The following TAF1C variants were observed in gnomAD, a reference collection of about 807,000 sequenced individuals.
The protein encoded by TAF1C is TATA-box binding protein associated factor, RNA polymerase I subunit C.
In TAF1C, 79 loss-of-function variants were observed where a neutral mutation model predicts 70.5. The observed-to-expected ratio is 1.12, with a 90% CI of 0.93 to 1.35. The LOEUF (loss-of-function observed/expected upper bound fraction) is 1.35, where lower values mean the gene tolerates loss of function less well. TAF1C is among the 40% of genes most tolerant of loss of function. The pLI is 0.00. For synonymous variants in TAF1C, 614 were observed against 491.1 expected, an observed-to-expected ratio of 1.25 and a Z score of -3.31; for missense variants, 1,412 against 1,127.8, an observed-to-expected ratio of 1.25 and a Z score of -3.61.
rs142305567 is a variant in TAF1C, at chr16:84,180,446, G to C, written c.1309-102C>G. The stretch of plus-strand genomic sequence containing the variant: ...GCTCTCCAGGTGAGTGCAGAGCCCT[G>C]AGGGGCAGCAGCATCTCCCATCAGC... On this transcript the variant is annotated intron_variant, in intron 12 of 14. Coordinates refer to ENST00000566732, the MANE Select transcript of TAF1C (RefSeq NM_001243156.2). 5.2e-3 allele frequency: 6,378 copies of C among 1,223,646 alleles called. 25 individuals carry two copies. Among genetic ancestry groups the C allele is most frequent in the Middle Eastern group, 8.3e-3 (40 of 4,848 alleles). The allele number at this position is 1,223,646 out of a possible 1,614,324, so 75.8% of individuals were successfully genotyped here.
At position 84,185,014 on chromosome 16, in the gene TAF1C, A is replaced by G. The variant is rs772946793; in HGVS notation, c.-26T>C. On this transcript the variant is annotated 5_prime_UTR_variant, in exon 2 of 15. Coordinates refer to ENST00000566732, the MANE Select transcript of TAF1C (RefSeq NM_001243156.2). ...CCTGGAAACAAGGACCAAGCACCAC[A>G]CTGGCCACCTCGAGAGACTGGAAGC... 6.2e-6 allele frequency: 10 copies of G among 1,608,910 alleles called. No individual in the cohort carries two copies. Among genetic ancestry groups the G allele is most frequent in the Non-Finnish European group, 3.4e-6 (4 of 1,177,204 alleles).
intron 2 of TAF1C, 78 bp downstream of exon 2, chr16:84,184,773 A>G: frequency 6.7e-7 from 1 of 1,497,110 alleles, no homozygotes; most frequent in Admixed American, 2.2e-5. Flanking sequence ...GGCCTTGTCA[A>G]CTGATGTGAA....
At position 84,181,591 on chromosome 16, in the gene TAF1C, C is replaced by G; in HGVS notation, c.1028+1G>C. 3 of 1,613,916 alleles carry G rather than the reference C, an allele frequency of 1.9e-6. No homozygotes were observed. The highest frequency in any genetic ancestry group is 2.5e-6 in the Non-Finnish European group (3 of 1,179,984). ...GGGGGTTTCACAGGAAGCGGCGATA[C>G]CCATCCTCAGGGCTCCACAGGCAGA... On this transcript the variant is annotated splice_donor_variant, in intron 10 of 14. Coordinates refer to ENST00000566732, the MANE Select transcript of TAF1C (RefSeq NM_001243156.2). LOFTEE classifies it high-confidence loss of function.
At position 84,177,935 on chromosome 16, in the gene TAF1C, ATTGGGCTAGCTCCTGT is replaced by A; in HGVS notation, c.*990_*1005del. ...TAACACCCACGCGAGTCAGTGTATG[ATTGGGCTAGCTCCTGT>A]TTGTGTGAGTCACATGCAATTCCTT... On this transcript the variant is annotated 3_prime_UTR_variant, in exon 15 of 15. Transcript: ENST00000566732. 7.6e-6 allele frequency: 8 copies of A among 1,053,560 alleles called. No homozygotes were observed. The South Asian group carries it at 1.0e-4, about 14-fold the overall frequency. The allele number at this position is 1,053,560 out of a possible 1,614,324, so 65.3% of individuals were successfully genotyped here.
Position 84,183,121 on chromosome 16 carries a change from C to T in TAF1C, c.437G>A (p.Ser146Asn), listed in dbSNP as rs1185432728. 8.7e-6 allele frequency: 14 copies of T among 1,614,002 alleles called. No homozygotes were observed. The highest frequency in any genetic ancestry group is 1.0e-5 in the Non-Finnish European group (12 of 1,180,036). Residue 146 changes from serine (S) to asparagine (N), a missense_variant, in exon 6 of 15, where the codon AGT (serine) becomes AAT (asparagine). Transcript: ENST00000566732. ...GSRTKKKTVV[S>N]VKKLLQDLGG... Reference sequence around the variant, plus strand: ...GAGGTCCTGGAGCAGCTTCTTCACACTGACCACTGTCTTCTTCTTAGTGCG... The same window carrying T: ...GAGGTCCTGGAGCAGCTTCTTCACATTGACCACTGTCTTCTTCTTAGTGCG...
Position 84,183,347 on chromosome 16 carries a change from G to GAGGCCAGGTCACTAAGCAC in TAF1C, c.319-33_319-15dup. The GAGGCCAGGTCACTAAGCAC allele has an allele frequency of 1.2e-6, 2 of 1,613,958 alleles. No homozygotes were observed. Among genetic ancestry groups the GAGGCCAGGTCACTAAGCAC allele is most frequent in the Non-Finnish European group, 1.7e-6 (2 of 1,180,028 alleles). On this transcript the variant is annotated splice_polypyrimidine_tract_variant and intron_variant, in intron 4 of 14. Coordinates refer to ENST00000566732, the MANE Select transcript of TAF1C (RefSeq NM_001243156.2). ...GAACCGGCTGATCTGGGGAGAAGAG[G>GAGGCCAGGTCACTAAGCAC]AGGCCAGGTCACTAAGCACAGTCTC...
Position 84,180,199 on chromosome 16 carries a change from C to T in TAF1C, c.1454G>A (p.Gly485Asp), listed in dbSNP as rs1238647796. The change falls in exon 13 of 15, where the codon GGT becomes GAT. Residue 485 changes from glycine (G) to aspartate (D), a missense_variant. Coordinates refer to ENST00000566732, the MANE Select transcript of TAF1C (RefSeq NM_001243156.2). ...CAGGTGCAGCAGCTGCAGCTGCCCACCCTGGCCTCCGAGGAGCAGGGGCTG... is the reference window on the plus strand; with the variant it reads ...CAGGTGCAGCAGCTGCAGCTGCCCATCCTGGCCTCCGAGGAGCAGGGGCTG... ...CVQPLLLGGQ[G>D]GQLQLLHLAG... The T allele has an allele frequency of 1.3e-6, 2 of 1,541,066 alleles. No individual in the cohort carries two copies. Among genetic ancestry groups the T allele is most frequent in the Non-Finnish European group, 1.7e-6 (2 of 1,151,646 alleles).
intron 6 of TAF1C, 62 bp downstream of exon 6, chr16:84,183,014 C>T: frequency 6.4e-7 from 1 of 1,562,912 alleles, no homozygotes; most frequent in Non-Finnish European, 8.8e-7. Flanking sequence ...CGTCCTAGCA[C>T]CTCCTACATC....
chr16:84,179,495 T>A lies in TAF1C; in HGVS notation c.1978A>T (p.Met660Leu). 2 of 1,602,002 alleles carry A rather than the reference T, an allele frequency of 1.2e-6. No individual in the cohort carries two copies. The highest frequency in any genetic ancestry group is 1.7e-6 in the Non-Finnish European group (2 of 1,176,308). Residue 660 changes from methionine (M) to leucine (L), a missense_variant, in exon 15 of 15, where the codon ATG becomes TTG. Physicochemically the swap from Met to Leu is conservative, Grantham distance 15. Coordinates refer to ENST00000566732, the MANE Select transcript of TAF1C (RefSeq NM_001243156.2). ...GQRLGVLRKA[M>L]ARGQLLLQRD... Reference sequence around the variant, plus strand: ...TGCAGCAGGAGCTGCCCTCGGGCCATGGCCTTGCGGAGCACACCCAGCCGC... The same window carrying A: ...TGCAGCAGGAGCTGCCCTCGGGCCAAGGCCTTGCGGAGCACACCCAGCCGC...
chr16:84,179,198 C>T lies in TAF1C; in HGVS notation c.2275G>A (p.Ala759Thr). ...PHSPEWPPAD[A>T]LPLPPTTPPS... ...GGGGTCGTGGGGGGCAGGGGCAGAG[C>T]ATCAGCAGGTGGCCACTCAGGGCTA... The change falls in exon 15 of 15, where the codon GCT becomes ACT. Residue 759 changes from alanine (A) to threonine (T), a missense_variant. Physicochemically the swap from Ala to Thr is moderately conservative, Grantham distance 58. Transcript: ENST00000566732. 6.3e-7 allele frequency: 1 copy of T among 1,588,310 alleles called. No individual in the cohort carries two copies. Among genetic ancestry groups the T allele is most frequent in the Admixed American group, 1.7e-5 (1 of 57,630 alleles).
rs2088897818 is a variant in TAF1C, at chr16:84,178,854, C to T, written c.*87G>A. On this transcript the variant is annotated 3_prime_UTR_variant, in exon 15 of 15. Transcript: ENST00000566732. ...CTCCAGAAGGTGGCGAGCTCTGCTT[C>T]TCAAGTTTCAACTGTGGAAGGCACA... The T allele has an allele frequency of 7.0e-7, 1 of 1,433,594 alleles. No homozygotes were observed. The highest frequency in any genetic ancestry group is 1.4e-5 in the South Asian group (1 of 72,018). 88.8% of individuals were successfully genotyped at this position (1,433,594 alleles called of 1,614,324 possible).
chr16:84,184,348 T>G (rs1490102365), intron 2 of TAF1C, among the ~76,000 whole-genome samples: 1 of 152,134 alleles, frequency 6.6e-6, no homozygotes, highest in African/African-American at 2.4e-5. Context: ...CCCACTTGCC[T>G]CTGCCAGGCT....
intron 11 of TAF1C, 26 bp downstream of exon 11, chr16:84,181,302 G>C: frequency 6.2e-7 from 1 of 1,611,112 alleles, no homozygotes; most frequent in East Asian, 2.2e-5. Context: ...CGCAGTCGGG[G>C]TGGGTCCTCT....
chr16:84,182,949 C>T lies in TAF1C; in HGVS notation c.482+127G>A. 8 of 909,420 alleles carry T rather than the reference C, an allele frequency of 8.8e-6. No individual in the cohort carries two copies. The highest frequency in any genetic ancestry group is 8.5e-5 in the Admixed American group (4 of 47,236). 56.3% of individuals were successfully genotyped at this position (909,420 alleles called of 1,614,324 possible). On this transcript the variant is annotated intron_variant, in intron 6 of 14. Coordinates refer to ENST00000566732, the MANE Select transcript of TAF1C (RefSeq NM_001243156.2). The surrounding 1 kb of genome is among the most constrained non-coding windows in gnomAD (Gnocchi z 5.0). ...GTTGGAAGTCTGGTATAAGAAAGTA[C>T]AGCTCAGACTGCATGGAGCAGGGGG...
rs766121265 is a variant in TAF1C, at chr16:84,183,248, G to A, written c.404C>T (p.Ala135Val). The A allele has an allele frequency of 3.8e-5, 61 of 1,613,782 alleles. No individual in the cohort carries two copies. The highest frequency in any genetic ancestry group is 1.6e-4 in the Middle Eastern group (1 of 6,084). Reference protein sequence around the residue: ...LMLENFKLEGAGSRTKKKTVV... With the variant: ...LMLENFKLEGVGSRTKKKTVV... ...CTGGAGTCACGGGCCACTCACCCCC[G>A]CTCCCTCCAGCTTGAAATTCTCCAG... Residue 135 changes from alanine (A) to valine (V), a missense_variant, in exon 5 of 15, where the codon GCG (alanine) becomes GTG (valine). Transcript: ENST00000566732.
intron 2 of TAF1C, among the ~76,000 whole-genome samples, 195 bp downstream of exon 2, chr16:84,184,656 C>T (rs1457976009): frequency 1.3e-5 from 2 of 152,176 alleles, no homozygotes; most frequent in African/African-American, 2.4e-5. Flanking sequence ...ATAAGGGACC[C>T]GGCATAGTGG....
chr16:84,182,582 C>T lies in TAF1C; in HGVS notation c.483-142G>A. On this transcript the variant is annotated intron_variant, in intron 6 of 14. Transcript: ENST00000566732. This position sits in a 1 kb window ranked among gnomAD's most constrained non-coding sequence, Gnocchi z 5.0. The stretch of plus-strand genomic sequence containing the variant: ...TTGGGAGACCACCCCATCCTGTTCC[C>T]ATGCCCCGGAAGCAATCATGTGACC... The T allele has an allele frequency of 2.6e-6, 2 of 782,980 alleles. No homozygotes were observed. The highest frequency in any genetic ancestry group is 2.0e-6 in the Non-Finnish European group (1 of 502,046). The allele number at this position is 782,980 out of a possible 1,614,324, so 48.5% of individuals were successfully genotyped here. A position where few individuals can be genotyped will look rare whatever the true frequency, so the allele number is the denominator to read the frequency against.
At chr16:84,183,374 A>G in intron 4 of TAF1C, 36 bp downstream of exon 4, 1 of 1,613,702 alleles carries the variant, frequency 6.2e-7, no homozygotes. Context: ...CACAGTCTCC[A>G]GGCTACGCAG....
intron 13 of TAF1C, 22 bp downstream of exon 13, chr16:84,180,148 C>T (rs926688398): frequency 7.7e-6 from 12 of 1,558,218 alleles, no homozygotes; most frequent in Non-Finnish European, 1.0e-5. Context: ...CACACGCCGC[C>T]CACCCTGGCC....
Sources: gnomAD v4.1 joint callset for allele counts (sites outside exome capture counted in the v4.1 genomes callset) on GRCh38, gnomAD v4.1.1 for gene constraint, Gnocchi (gnomAD v3.1) non-coding constraint, MANE v1.5 for transcripts, NCBI Gene and HGNC (gene_info 2026-07-23, HGNC 2026-07-21) for gene names.